Variants in MAML3 observed in about 807,000 individuals in gnomAD.
MAML3 encodes mastermind-like protein 3.
A neutral mutation model predicts 101.9 loss-of-function variants in MAML3; 27 were observed. That is an observed-to-expected ratio of 0.27 (90% CI 0.20 to 0.37). The LOEUF is 0.37. Among genes scored for constraint, MAML3 ranks in the 10% least tolerant of loss-of-function variants. The probability of loss-of-function intolerance (pLI) is 1.00; values close to 1 mark genes in which losing one functional copy is unlikely to be tolerated. For missense variants in MAML3, 1,316 were observed against 1,444.9 expected (o/e 0.91, Z 1.45); for synonymous variants, 501 against 555.9 (o/e 0.90, Z 1.39).
chr4:139,907,631 G>C (rs1732843226), intron 1 of MAML3, among the ~76,000 whole-genome samples: 1 of 152,214 alleles, frequency 6.6e-6, no homozygotes, highest in South Asian at 2.1e-4. Context: ...TGGGTGTCAG[G>C]TGTTGAGCTG....
At chr4:139,945,482 A>G (rs1322858179) in intron 1 of MAML3, among the ~76,000 whole-genome samples, 1 of 152,192 alleles carries the variant, frequency 6.6e-6, no homozygotes, top group Non-Finnish European at 1.5e-5. Context: ...CTCTTTTCAA[A>G]TAGCCAAACA....
At chr4:140,050,003 T>C (rs1249141019) in intron 1 of MAML3, among the ~76,000 whole-genome samples, 1 of 152,048 alleles carries the variant, frequency 6.6e-6, no homozygotes, top group African/African-American at 2.4e-5. Context: ...CAGAGAAACA[T>C]CTCTGCTAGA....
intron 2 of MAML3, among the ~76,000 whole-genome samples, chr4:139,871,296 A>G (rs1437604737): frequency 6.6e-6 from 1 of 152,188 alleles, no homozygotes; most frequent in Non-Finnish European, 1.5e-5. Flanking sequence ...TGTACAAATG[A>G]CAATTAAGCC....
chr4:139,850,216 A>G (rs1448161210), intron 2 of MAML3, among the ~76,000 whole-genome samples: 2 of 152,212 alleles, frequency 1.3e-5, no homozygotes, highest in Non-Finnish European at 2.9e-5. Context: ...ATTTTGTGTA[A>G]AATAGATGTA....
chr4:140,032,512 T>C (rs991906053), intron 1 of MAML3, among the ~76,000 whole-genome samples: 2 of 152,202 alleles, frequency 1.3e-5, no homozygotes, highest in African/African-American at 4.8e-5. Context: ...CAGTTCCTCA[T>C]CAAGTCTAAG....
chr4:139,757,333 C>A (rs1312043890), intron 2 of MAML3, among the ~76,000 whole-genome samples: 2 of 152,120 alleles, frequency 1.3e-5, no homozygotes, highest in African/African-American at 4.8e-5. Context: ...CTCCCCCTCA[C>A]ACTCACACTC....
chr4:140,006,134 G>C (rs1238208871), intron 1 of MAML3, among the ~76,000 whole-genome samples: 4 of 152,146 alleles, frequency 2.6e-5, no homozygotes, highest in Middle Eastern at 3.2e-3. Flanking sequence ...ACTTTATCGA[G>C]TAAGATGACT....
rs78012997 is a variant in MAML3 at position 140,057,240 on chromosome 4, C to A, written c.468+95620G>T. On this transcript the variant is annotated intron_variant, in intron 1 of 4. Transcript: ENST00000509479. ...GCAATGAGCTATGATAGCATTCCAG[C>A]TTGGGCAACAGAACGAGATCTTGTC... Among the ~76,000 whole-genome samples, 301 of 152,288 alleles carry A rather than the reference C, an allele frequency of 2.0e-3. 6 individuals are homozygous for A. In the East Asian group the frequency reaches 0.053, roughly 27 times the overall value.
intron 1 of MAML3, among the ~76,000 whole-genome samples, chr4:140,126,056 G>A (rs1028793700): frequency 2.0e-5 from 3 of 151,912 alleles, no homozygotes; most frequent in Admixed American, 6.6e-5. Context: ...GATTACAGGC[G>A]TAAGCCACCG....
At chr4:139,882,006 T>C (rs976989785) in intron 2 of MAML3, among the ~76,000 whole-genome samples, 33 of 152,296 alleles carry the variant, frequency 2.2e-4, no homozygotes, top group African/African-American at 7.2e-4. Flanking sequence ...GAAAGCTTCA[T>C]TTTAAAATGA....
At chr4:140,065,576 T>TGTCAGACTAGC (rs1239257758) in intron 1 of MAML3, among the ~76,000 whole-genome samples, 1 of 152,184 alleles carries the variant, frequency 6.6e-6, no homozygotes, top group East Asian at 1.9e-4. Context: ...CTTCACCACT[T>TGTCAGACTAGC]GTCAGACTAG....
At chr4:140,123,254 A>T (rs539240547) in intron 1 of MAML3, among the ~76,000 whole-genome samples, 1 of 152,196 alleles carries the variant, frequency 6.6e-6, no homozygotes, top group Non-Finnish European at 1.5e-5. Context: ...GCTTACAAAA[A>T]TACACACAGA....
intron 1 of MAML3, among the ~76,000 whole-genome samples, chr4:139,983,330 A>G (rs933525128): frequency 4.6e-5 from 7 of 152,182 alleles, no homozygotes; most frequent in African/African-American, 1.7e-4. Flanking sequence ...CTTTTTATAG[A>G]ATGTCATAAA....
At chr4:140,058,270 T>A (rs536342808) in intron 1 of MAML3, among the ~76,000 whole-genome samples, 1 of 36,618 alleles carries the variant, frequency 2.7e-5, no homozygotes, top group Non-Finnish European at 2.4e-4. Flanking sequence ...CTCAGAGTAC[T>A]TTTTTTTTTA....
intron 2 of MAML3, among the ~76,000 whole-genome samples, chr4:139,772,812 G>C (rs2111070063): frequency 6.6e-6 from 1 of 150,636 alleles, no homozygotes; most frequent in South Asian, 2.1e-4. Flanking sequence ...ATAAAGTATT[G>C]CTCACGCCTG....
intron 1 of MAML3, among the ~76,000 whole-genome samples, chr4:139,903,779 T>C (rs527884546): frequency 3.6e-4 from 55 of 152,324 alleles, no homozygotes; most frequent in Non-Finnish European, 5.4e-4. Flanking sequence ...GGGTAATTTA[T>C]ACATAAATGT....
At chr4:139,728,497 A>T (rs997361491) in intron 3 of MAML3, among the ~76,000 whole-genome samples, 19 of 152,212 alleles carry the variant, frequency 1.2e-4, no homozygotes, top group African/African-American at 4.3e-4. Context: ...AATTATTAAA[A>T]CCTAATCTGG....
rs1358551703 is a variant in MAML3 at position 139,785,191 on chromosome 4, C to T, written c.2080-54524G>A. Among the ~76,000 whole-genome samples, 2 of 152,210 alleles carry T rather than the reference C, an allele frequency of 1.3e-5. No individual in the cohort carries two copies. Among genetic ancestry groups the T allele is most frequent in the Non-Finnish European group, 2.9e-5 (2 of 68,032 alleles). On this transcript the variant is annotated intron_variant, in intron 2 of 4. Coordinates refer to ENST00000509479, the MANE Select transcript of MAML3 (RefSeq NM_018717.5). The surrounding 1 kb of genome is among the most constrained non-coding windows in gnomAD (Gnocchi z 4.3). Reference sequence around the variant, plus strand: ...CACCCAGCCACATGGCTCCTGGGTGCTCAATGTCTGAACCACAGCCTGCCC... The same window carrying T: ...CACCCAGCCACATGGCTCCTGGGTGTTCAATGTCTGAACCACAGCCTGCCC...
chr4:139,917,079 G>A (rs1274249399), intron 1 of MAML3, among the ~76,000 whole-genome samples: 1 of 152,188 alleles, frequency 6.6e-6, no homozygotes, highest in African/African-American at 2.4e-5. Context: ...TTGTGGGTAT[G>A]TGTCTTTTTC....
Sources: gnomAD v4.1 joint callset for allele counts (sites outside exome capture counted in the v4.1 genomes callset) on GRCh38, gnomAD v4.1.1 for gene constraint, Gnocchi (gnomAD v3.1) non-coding constraint, MANE v1.5 for transcripts, NCBI Gene and HGNC (gene_info 2026-07-23, HGNC 2026-07-21) for gene names.